The following DNAAF10 variants were observed in gnomAD, a reference collection of about 807,000 sequenced individuals.
DNAAF10 encodes dynein axonemal assembly factor 10, also known as WD repeat domain 92.
Under a neutral mutation model 43.7 loss-of-function variants are expected in DNAAF10, and 28 were observed. The ratio of observed to expected loss-of-function variants is 0.64; its 90% CI spans 0.48 to 0.88. The LOEUF is 0.88. Ranked by LOEUF, DNAAF10 falls within the 40% of genes least tolerant of loss-of-function variation. The pLI, the probability that DNAAF10 is intolerant of heterozygous loss-of-function variation, is 0.00. For synonymous variants in DNAAF10, 156 were observed against 157.3 expected, an observed-to-expected ratio of 0.99 and a Z score of 0.06; for missense variants, 403 against 439.1, an observed-to-expected ratio of 0.92 and a Z score of 0.73.
intron 1 of DNAAF10, among the ~76,000 whole-genome samples, chr2:68,156,405 G>A (rs545998425): frequency 3.9e-5 from 6 of 152,086 alleles, no homozygotes; most frequent in Non-Finnish European, 8.8e-5. Flanking sequence ...GATAATGACT[G>A]ATCATTTTTT....
intron 5 of DNAAF10, among the ~76,000 whole-genome samples, chr2:68,137,697 T>C (rs527500411): frequency 7.7e-4 from 116 of 151,532 alleles, no homozygotes; most frequent in South Asian, 4.4e-3. Context: ...TGAAACCCTG[T>C]CTCTACTAAA....
chr2:68,143,382 T>C (rs1195111176), intron 3 of DNAAF10, among the ~76,000 whole-genome samples: 1 of 152,030 alleles, frequency 6.6e-6, no homozygotes, highest in Non-Finnish European at 1.5e-5. Context: ...AGGGTTTCGC[T>C]ATGTTGCCCA....
Position 68,137,315 on chromosome 2 carries a change from G to T in DNAAF10, c.752C>A (p.Ala251Asp), listed in dbSNP as rs201651152. The change falls in exon 6 of 8, where the codon GCC becomes GAC. Residue 251 changes from alanine to aspartate, a missense_variant. Coordinates refer to ENST00000295121, the MANE Select transcript of DNAAF10 (RefSeq NM_138458.4). ...MRTQHPTKGF[A>D]SVSEKAHKST... ...CATATTTACCTTTTCTGAAACAGAG[G>T]CAAAACCTTTGGTTGGATGCTGTGT... The T allele has an allele frequency of 8.7e-6, 14 of 1,610,330 alleles. No individual in the cohort carries two copies. Among genetic ancestry groups the T allele is most frequent in the Admixed American group, 1.7e-5 (1 of 59,308 alleles).
intron 1 of DNAAF10, 60 bp downstream of exon 1, chr2:68,157,201 C>A: frequency 6.4e-7 from 1 of 1,553,412 alleles, no homozygotes; most frequent in Non-Finnish European, 8.7e-7. Flanking sequence ...AAGAGGAATG[C>A]AGACCCCAGG....
intron 7 of DNAAF10, among the ~76,000 whole-genome samples, chr2:68,132,388 G>GAAA (rs924649098): frequency 6.6e-6 from 1 of 151,946 alleles, no homozygotes; most frequent in East Asian, 1.9e-4. Flanking sequence ...TCATTTTGAT[G>GAAA]AAAAAAAATA....
chr2:68,132,220 A>C (rs896359216), intron 7 of DNAAF10, among the ~76,000 whole-genome samples: 1 of 152,216 alleles, frequency 6.6e-6, no homozygotes, highest in Non-Finnish European at 1.5e-5. Flanking sequence ...GCCTTTTAAA[A>C]CCTACTAGTA....
intron 1 of DNAAF10, among the ~76,000 whole-genome samples, chr2:68,155,404 G>A (rs577717782): frequency 1.3e-5 from 2 of 151,406 alleles, no homozygotes; most frequent in South Asian, 4.2e-4. Context: ...TGAGGCAGGA[G>A]AATCGCTTGA....
chr2:68,133,190 T>C (rs761941940), intron 7 of DNAAF10, among the ~76,000 whole-genome samples: 11 of 152,200 alleles, frequency 7.2e-5, no homozygotes, highest in South Asian at 2.1e-4. Context: ...AAACTTTTCC[T>C]CTGCTTTTCA....
At chr2:68,136,303 T>C (rs979886088) in intron 6 of DNAAF10, among the ~76,000 whole-genome samples, 1 of 152,026 alleles carries the variant, frequency 6.6e-6, no homozygotes, top group Non-Finnish European at 1.5e-5. Flanking sequence ...AAATATGTGT[T>C]GCAAATTATA....
intron 1 of DNAAF10, among the ~76,000 whole-genome samples, chr2:68,153,350 A>C (rs1366991146): frequency 6.6e-6 from 1 of 150,422 alleles, no homozygotes; most frequent in East Asian, 1.9e-4. Flanking sequence ...TAAATTAAAA[A>C]AAAAAAAAAA....
intron 1 of DNAAF10, among the ~76,000 whole-genome samples, chr2:68,154,536 A>C (rs945096976): frequency 1.3e-5 from 2 of 152,026 alleles, no homozygotes; most frequent in African/African-American, 4.8e-5. Context: ...GTGAGCCACC[A>C]CACCCGGCGT....
chr2:68,157,124 G>A lies in DNAAF10; in HGVS notation c.183+137C>T. 8 of 1,176,344 alleles carry A rather than the reference G, an allele frequency of 6.8e-6. No homozygotes were observed. In the South Asian group the frequency reaches 1.1e-4, roughly 15 times the overall value. The allele number at this position is 1,176,344 out of a possible 1,614,324, so 72.9% of individuals were successfully genotyped here. A position where few individuals can be genotyped will look rare whatever the true frequency, so the allele number is the denominator to read the frequency against. ...AAATAGGAAACATTCCTCAGTCGGC[G>A]GTCAGCTTCTCTGGTCTCGCGCGGC... On this transcript the variant is annotated intron_variant, in intron 1 of 7. Transcript: ENST00000295121.
intron 1 of DNAAF10, among the ~76,000 whole-genome samples, chr2:68,148,833 AAGTG>A (rs1292066936): frequency 3.9e-5 from 6 of 152,226 alleles, no homozygotes; most frequent in African/African-American, 1.4e-4. Context: ...TGGAAGGAAA[AAGTG>A]AGTCCCTTTA....
intron 5 of DNAAF10, among the ~76,000 whole-genome samples, chr2:68,137,878 AT>A (rs757832176): frequency 0.039 from 4,411 of 111,992 alleles, 179 homozygotes; most frequent in African/African-American, 0.13. Context: ...AAAAAAAAAC[AT>A]TTTTTTTTTT....
intron 1 of DNAAF10, among the ~76,000 whole-genome samples, chr2:68,150,148 T>G (rs1673418077): frequency 6.6e-6 from 1 of 152,150 alleles, no homozygotes; most frequent in Non-Finnish European, 1.5e-5. Flanking sequence ...CACTCTTTGG[T>G]TCCCTACAGT....
chr2:68,153,617 C>T (rs984384463), intron 1 of DNAAF10, among the ~76,000 whole-genome samples: 1 of 152,044 alleles, frequency 6.6e-6, no homozygotes, highest in African/African-American at 2.4e-5. Context: ...TTAAAACACA[C>T]ACACACAAGC....
chr2:68,151,258 C>T (rs1402539736), intron 1 of DNAAF10, among the ~76,000 whole-genome samples: 1 of 152,176 alleles, frequency 6.6e-6, no homozygotes, highest in African/African-American at 2.4e-5. Context: ...TCCAGCCACA[C>T]CAGACAGCTT....
intron 1 of DNAAF10, among the ~76,000 whole-genome samples, chr2:68,151,842 C>T (rs1673466762): frequency 6.6e-6 from 1 of 152,104 alleles, no homozygotes; most frequent in South Asian, 2.1e-4. Flanking sequence ...CAGTCTAGAC[C>T]ATCCCTTTTC....
chr2:68,154,698 G>C (rs17035046), intron 1 of DNAAF10, among the ~76,000 whole-genome samples: 1 of 152,114 alleles, frequency 6.6e-6, no homozygotes, highest in Admixed American at 6.5e-5. Flanking sequence ...CCCCAGAGTC[G>C]CTACAAAAGA....
Sources: gnomAD v4.1 joint callset for allele counts (sites outside exome capture counted in the v4.1 genomes callset) on GRCh38, gnomAD v4.1.1 for gene constraint, MANE v1.5 for transcripts, NCBI Gene and HGNC (gene_info 2026-07-23, HGNC 2026-07-21) for gene names.